The following BRWD1 variants were observed in gnomAD, a reference collection of about 807,000 sequenced individuals.
The protein encoded by BRWD1 is bromodomain and WD repeat domain containing 1.
Under a neutral mutation model 251.2 loss-of-function variants are expected in BRWD1, and 82 were observed. The ratio of observed to expected loss-of-function variants is 0.33; its 90% CI spans 0.27 to 0.39. The LOEUF is 0.39. Among genes scored for constraint, BRWD1 ranks in the 10% least tolerant of loss-of-function variants. The pLI, the probability that BRWD1 is intolerant of heterozygous loss-of-function variation, is 1.00. For missense variants in BRWD1, 2,233 were observed against 2,711.6 expected, an observed-to-expected ratio of 0.82 and a Z score of 3.92; for synonymous variants, 918 against 902.8, an observed-to-expected ratio of 1.02 and a Z score of -0.30.
intron 5 of BRWD1, 111 bp downstream of exon 5, chr21:39,298,321 T>C (rs984055649): frequency 3.6e-6 from 5 of 1,376,476 alleles, no homozygotes; most frequent in Non-Finnish European, 4.7e-6. Flanking sequence ...GTCCACAGCA[T>C]GATTTATAGT....
At chr21:39,250,581 T>C (rs1240091622) in intron 20 of BRWD1, among the ~76,000 whole-genome samples, 1 of 151,268 alleles carries the variant, frequency 6.6e-6, no homozygotes, top group African/African-American at 2.5e-5. Context: ...CTCAATACCA[T>C]TGTTAGGCAC....
At position 39,187,632 on chromosome 21, in the gene BRWD1, G is replaced by A. The variant is rs2031316349; in HGVS notation, c.*8627C>T. On this transcript the variant is annotated 3_prime_UTR_variant, in exon 41 of 41. Transcript: ENST00000342449. ...AACTATAAGGATGTCACTTAAAACA[G>A]TAGCAGACTTGTAAGAATGGGGTGA... 1.0e-6 allele frequency: 1 copy of A among 985,300 alleles called. No homozygotes were observed. The highest frequency in any genetic ancestry group is 1.2e-6 in the Non-Finnish European group (1 of 829,842). The allele number at this position is 985,300 out of a possible 1,614,324, so 61.0% of individuals were successfully genotyped here.
rs2032157571 is a variant in BRWD1, at chr21:39,202,438, T to C, written c.4472A>G (p.Lys1491Arg). ...SSRTAYLGTHKTSAGISSGVT... is the reference protein window; with the variant it reads ...SSRTAYLGTHRTSAGISSGVT... ...ACCTGAAGAGATACCAGCACTTGTC[T>C]TGTGGGTTCCAAGATAAGCTGTCCT... Residue 1491 changes from lysine to arginine, a missense_variant, in exon 38 of 41, where the codon AAG becomes AGG. By Grantham distance (26) the Lys-to-Arg change is conservative. Coordinates refer to ENST00000342449, the MANE Select transcript of BRWD1 (RefSeq NM_033656.4). 6 of 1,614,116 alleles carry C rather than the reference T, an allele frequency of 3.7e-6. No individual in the cohort carries two copies. Among genetic ancestry groups the C allele is most frequent in the Non-Finnish European group, 5.1e-6 (6 of 1,179,968 alleles).
At chr21:39,296,212 T>C (rs2035958492) in intron 6 of BRWD1, 53 bp downstream of exon 6, 3 of 1,419,634 alleles carry the variant, frequency 2.1e-6, no homozygotes, top group South Asian at 2.8e-5. Context: ...TAAAGGTTGT[T>C]GAGAAATTTA....
chr21:39,309,092 T>G (rs2036382388), intron 4 of BRWD1, among the ~76,000 whole-genome samples: 2 of 151,792 alleles, frequency 1.3e-5, no homozygotes, highest in Admixed American at 6.6e-5. Context: ...GCAAATCGCT[T>G]GAACCCGGGA....
chr21:39,235,127 T>C (rs779706787), intron 23 of BRWD1, among the ~76,000 whole-genome samples: 1 of 152,120 alleles, frequency 6.6e-6, no homozygotes, highest in African/African-American at 2.4e-5. Flanking sequence ...CGTGGGCCTG[T>C]AGTCCCAGCT....
At chr21:39,272,157 G>A (rs184580709) in intron 13 of BRWD1, among the ~76,000 whole-genome samples, 8 of 151,776 alleles carry the variant, frequency 5.3e-5, no homozygotes, top group East Asian at 1.9e-4. Context: ...AATGGAGGCC[G>A]GGCGCGGTGG....
At chr21:39,246,320 C>T (rs1472488892) in intron 21 of BRWD1, among the ~76,000 whole-genome samples, 1 of 152,186 alleles carries the variant, frequency 6.6e-6, no homozygotes, top group Admixed American at 6.6e-5. Flanking sequence ...AGAGATACCA[C>T]TTCACGCCCA....
intron 21 of BRWD1, among the ~76,000 whole-genome samples, chr21:39,240,338 T>TA (rs1213568553): frequency 6.6e-6 from 1 of 152,100 alleles, no homozygotes; most frequent in Non-Finnish European, 1.5e-5. Context: ...ATAAATTTGT[T>TA]AAAAAATTAA....
chr21:39,253,968 T>C (rs891154496), intron 19 of BRWD1, among the ~76,000 whole-genome samples: 3 of 152,198 alleles, frequency 2.0e-5, no homozygotes, highest in African/African-American at 7.2e-5. Context: ...AGAAGCAATA[T>C]AAAATATCAT....
At chr21:39,264,783 TC>T in intron 16 of BRWD1, 98 bp from the exon 17 acceptor site, 1 of 1,516,190 alleles carries the variant, frequency 6.6e-7, no homozygotes, top group Non-Finnish European at 9.0e-7. Context: ...AACAAGGAAA[TC>T]AAATCACTCA....
At chr21:39,285,873 A>AC (rs1322478254) in intron 8 of BRWD1, among the ~76,000 whole-genome samples, 1 of 71,242 alleles carries the variant, frequency 1.4e-5, no homozygotes, top group Admixed American at 1.2e-4. Context: ...CCAGTCAACA[A>AC]AAAAAAAAAA....
chr21:39,222,892 A>T (rs1234397008), intron 29 of BRWD1, among the ~76,000 whole-genome samples: 1 of 152,180 alleles, frequency 6.6e-6, no homozygotes, highest in Non-Finnish European at 1.5e-5. Context: ...CAAATTATTA[A>T]AATCCTAAAA....
At chr21:39,258,861 T>C (rs1171284135) in intron 17 of BRWD1, among the ~76,000 whole-genome samples, 189 bp from the exon 18 acceptor site, 1 of 152,138 alleles carries the variant, frequency 6.6e-6, no homozygotes, top group African/African-American at 2.4e-5. Context: ...ACAAAAGTCT[T>C]CCTGTAGAGG....
At chr21:39,288,851 G>T (rs1568956775) in intron 8 of BRWD1, among the ~76,000 whole-genome samples, 1 of 152,308 alleles carries the variant, frequency 6.6e-6, no homozygotes, top group Admixed American at 6.5e-5. Flanking sequence ...GGAGGAATAA[G>T]AGGAGTTGGT....
At chr21:39,214,168 A>C (rs985111539) in intron 32 of BRWD1, among the ~76,000 whole-genome samples, 4 of 152,082 alleles carry the variant, frequency 2.6e-5, no homozygotes, top group Non-Finnish European at 5.9e-5. Flanking sequence ...GTTACTCCCC[A>C]GTTTTCAGCT....
intron 19 of BRWD1, among the ~76,000 whole-genome samples, chr21:39,254,999 A>G (rs1278901442): frequency 6.6e-6 from 1 of 152,200 alleles, no homozygotes; most frequent in Non-Finnish European, 1.5e-5. Context: ...ATATATTTTA[A>G]AATTTCTTAT....
chr21:39,224,321 G>A (rs1043749668), intron 29 of BRWD1, 87 bp downstream of exon 29: 81 of 705,344 alleles, frequency 1.1e-4, no homozygotes, highest in Admixed American at 2.7e-4. Flanking sequence ...ATTGATCATA[G>A]AATACAAATA....
At chr21:39,261,292 A>C (rs371651701) in intron 17 of BRWD1, among the ~76,000 whole-genome samples, 11 of 152,194 alleles carry the variant, frequency 7.2e-5, no homozygotes, top group African/African-American at 2.4e-4. Flanking sequence ...ACTGAGGGGA[A>C]AATATAAAAA....
Sources: allele counts gnomAD v4.1 joint callset (sites outside exome capture counted in the v4.1 genomes callset), GRCh38; gene constraint gnomAD v4.1.1; transcripts MANE v1.5; gene names NCBI Gene and HGNC (gene_info 2026-07-23, HGNC 2026-07-21).